The following DAB1 variants were observed in gnomAD, a reference collection of about 807,000 sequenced individuals.
DAB1 encodes DAB adaptor protein 1.
A neutral mutation model predicts 64.6 loss-of-function variants in DAB1; 15 were observed. That is an observed-to-expected ratio of 0.23 (90% CI 0.16 to 0.36). DAB1 has a LOEUF of 0.36. DAB1 is among the 10% of genes least tolerant of loss of function. DAB1 has a pLI of 1.00. For synonymous variants in DAB1, 235 were observed against 251.9 expected (o/e 0.93, Z 0.64); for missense variants, 596 against 706.7 (o/e 0.84, Z 1.78).
At chr1:58,461,034 A>G (rs1645238409) in intron 3 of DAB1, among the ~76,000 whole-genome samples, 2 of 152,222 alleles carry the variant, frequency 1.3e-5, no homozygotes, top group African/African-American at 4.8e-5. Context: ...CTGAGAAAAG[A>G]TTATGAAAGC....
chr1:58,545,278 T>C (rs911303187), intron 1 of DAB1, among the ~76,000 whole-genome samples: 2 of 152,228 alleles, frequency 1.3e-5, no homozygotes, highest in African/African-American at 4.8e-5. Context: ...TGTGTAAAAA[T>C]TTTAAAAGAA....
At chr1:58,135,422 G>A (rs61157819) in intron 5 of DAB1, among the ~76,000 whole-genome samples, 3,849 of 152,194 alleles carry the variant, frequency 0.025, 148 homozygotes, top group African/African-American at 0.087. Flanking sequence ...ACCAGGTACC[G>A]AGTACCTGGT....
At chr1:58,485,950 G>T (rs1255875930) in intron 3 of DAB1, among the ~76,000 whole-genome samples, 1 of 152,176 alleles carries the variant, frequency 6.6e-6, no homozygotes, top group Non-Finnish European at 1.5e-5. Flanking sequence ...TTAATAGCAA[G>T]AATATATGGT....
intron 3 of DAB1, among the ~76,000 whole-genome samples, chr1:58,498,784 T>C (rs1281580963): frequency 6.6e-6 from 1 of 151,956 alleles, no homozygotes; most frequent in Non-Finnish European, 1.5e-5. Flanking sequence ...GAATGATTCA[T>C]GATTTCATCT....
rs1254798747 is a variant in DAB1 at position 58,518,278 on chromosome 1, GA to G, written n.107+8982del. 4.5e-3 allele frequency among the ~76,000 whole-genome samples: 16 copies of G among 3,594 alleles called. 2 individuals carry two copies. Among genetic ancestry groups the G allele is most frequent in the East Asian group, 0.022 (2 of 92 alleles). The allele number at this position is 3,594 out of a possible 152,430, so 2.4% of individuals were successfully genotyped here. A position where few individuals can be genotyped will look rare whatever the true frequency, so the allele number is the denominator to read the frequency against. On this transcript the variant is annotated intron_variant and non_coding_transcript_variant, in intron 2 of 20. Coordinates refer to the DAB1 transcript ENST00000485760. ...GGAGAGGGGAGAGGAGAGAGGAGAG[GA>G]GAAGAGAAGAGAAGAGAAGAGAAGA... is the stretch of plus-strand genomic sequence containing the variant.
chr1:58,393,889 T>G (rs911522680), intron 3 of DAB1, among the ~76,000 whole-genome samples: 1 of 152,162 alleles, frequency 6.6e-6, no homozygotes, highest in East Asian at 1.9e-4. Flanking sequence ...TTACCACACA[T>G]AAAAAGTATG....
intron 4 of DAB1, among the ~76,000 whole-genome samples, chr1:58,253,197 G>A (rs748472915): frequency 6.6e-6 from 1 of 152,126 alleles, no homozygotes; most frequent in African/African-American, 2.4e-5. Context: ...CTAAAAAATT[G>A]AATCACTATC....
intron 4 of DAB1, among the ~76,000 whole-genome samples, chr1:57,105,240 T>C (rs554815706): frequency 1.3e-5 from 2 of 151,900 alleles, no homozygotes; most frequent in Non-Finnish European, 2.9e-5. Flanking sequence ...AATACCTCTA[T>C]GGCAAGAACA....
At chr1:58,228,528 A>G (rs1312048744) in intron 4 of DAB1, among the ~76,000 whole-genome samples, 1 of 152,010 alleles carries the variant, frequency 6.6e-6, no homozygotes, top group African/African-American at 2.4e-5. Context: ...TGTATGGTAC[A>G]CTTGGTCCAT....
At chr1:58,429,722 T>A (rs1282303661) in intron 3 of DAB1, among the ~76,000 whole-genome samples, 4 of 152,180 alleles carry the variant, frequency 2.6e-5, no homozygotes, top group African/African-American at 9.7e-5. Flanking sequence ...CTTCACTTAA[T>A]GAAACTATAG....
chr1:58,426,652 T>C (rs1644824139), intron 3 of DAB1, among the ~76,000 whole-genome samples: 1 of 152,206 alleles, frequency 6.6e-6, no homozygotes, highest in South Asian at 2.1e-4. Context: ...CCTGCCCTTG[T>C]GGAGATTACA....
chr1:57,526,157 C>G (rs2793631), intron 7 of DAB1, among the ~76,000 whole-genome samples: 104,483 of 151,930 alleles, frequency 0.69, 36,233 homozygotes, highest in South Asian at 0.79. Context: ...AGGCTGGTCT[C>G]AAACCCCTGA....
intron 3 of DAB1, among the ~76,000 whole-genome samples, chr1:58,373,407 G>A (rs981151799): frequency 6.8e-6 from 1 of 146,736 alleles, no homozygotes; most frequent in African/African-American, 2.5e-5. Context: ...CCACCTATGA[G>A]TGAGAATATG....
chr1:58,259,938 C>CCTTCACA, intron 4 of DAB1, among the ~76,000 whole-genome samples: 1 of 152,132 alleles, frequency 6.6e-6, no homozygotes, highest in Non-Finnish European at 1.5e-5. Context: ...CATATTAAAC[C>CCTTCACA]ATTTAACCTT....
intron 7 of DAB1, among the ~76,000 whole-genome samples, chr1:57,637,338 G>A (rs11800684): frequency 1.8e-4 from 27 of 152,132 alleles, no homozygotes; most frequent in African/African-American, 5.3e-4. Context: ...TGTTGTCAGC[G>A]TAATGATAAA....
chr1:57,895,462 A>C (rs1486886972), intron 5 of DAB1, among the ~76,000 whole-genome samples: 2 of 152,164 alleles, frequency 1.3e-5, no homozygotes, highest in Non-Finnish European at 1.5e-5. Context: ...GAAACAACTA[A>C]ATCAACCATT....
At chr1:57,625,683 C>T (rs1019689477) in intron 7 of DAB1, among the ~76,000 whole-genome samples, 1 of 151,884 alleles carries the variant, frequency 6.6e-6, no homozygotes, top group African/African-American at 2.4e-5. Flanking sequence ...ATTATAGAGA[C>T]TTTAAGGAAT....
intron 4 of DAB1, among the ~76,000 whole-genome samples, chr1:58,235,992 T>C (rs1370742419): frequency 6.6e-6 from 1 of 152,164 alleles, no homozygotes; most frequent in Admixed American, 6.5e-5. Context: ...TGTGCAGCAA[T>C]ACACTTTCCA....
At chr1:57,391,427 G>A (rs1682343545) in intron 1 of DAB1, among the ~76,000 whole-genome samples, 1 of 152,136 alleles carries the variant, frequency 6.6e-6, no homozygotes, top group South Asian at 2.1e-4. Context: ...AAGCAATTGA[G>A]TCATGTTAAC....
Sources: allele counts gnomAD v4.1 joint callset (sites outside exome capture counted in the v4.1 genomes callset), GRCh38; gene constraint gnomAD v4.1.1; transcripts MANE v1.5; gene names NCBI Gene and HGNC (gene_info 2026-07-23, HGNC 2026-07-21).